Variants in GMDS observed in about 807,000 individuals in gnomAD.
GMDS encodes the protein GDP-mannose 4,6 dehydratase.
In GMDS, 20 loss-of-function variants were observed where a neutral mutation model predicts 49.9. The ratio of observed to expected loss-of-function variants is 0.40; its 90% CI spans 0.28 to 0.58. The LOEUF is 0.58. Among genes scored for constraint, GMDS ranks in the 20% least tolerant of loss-of-function variants. GMDS has a pLI of 0.42. For missense variants in GMDS, 362 were observed against 481.4 expected, an observed-to-expected ratio of 0.75 and a Z score of 2.32; for synonymous variants, 177 against 178.6, an observed-to-expected ratio of 0.99 and a Z score of 0.07.
intron 9 of GMDS, among the ~76,000 whole-genome samples, chr6:1,709,260 G>C (rs929749205): frequency 6.6e-6 from 1 of 152,240 alleles, no homozygotes; most frequent in African/African-American, 2.4e-5. Flanking sequence ...AGTGCTTAGA[G>C]CAGCTGTCCT....
chr6:1,897,681 T>C (rs1760272735), intron 7 of GMDS, among the ~76,000 whole-genome samples: 1 of 152,244 alleles, frequency 6.6e-6, no homozygotes. Context: ...TCATTTCTCT[T>C]TTAGCTACTT....
At chr6:2,077,664 T>C (rs1389681891) in intron 4 of GMDS, among the ~76,000 whole-genome samples, 1 of 152,184 alleles carries the variant, frequency 6.6e-6, no homozygotes, top group Non-Finnish European at 1.5e-5. Flanking sequence ...CTTTTCAATG[T>C]GCAGTAGGAA....
intron 1 of GMDS, among the ~76,000 whole-genome samples, chr6:2,212,632 T>C (rs1456629533): frequency 6.6e-6 from 1 of 151,456 alleles, no homozygotes; most frequent in Non-Finnish European, 1.5e-5. Context: ...ACATCCTTAG[T>C]GGTCTTTGTG....
chr6:1,749,667 C>T lies in GMDS; in HGVS notation c.772-7081G>A, dbSNP rs553816139. Reference sequence around the variant, plus strand: ...CACCTTCTTGCCACTGTGTAGTGTACAAGTGGGTATCTATGAGGATAGTTT... The same window carrying T: ...CACCTTCTTGCCACTGTGTAGTGTATAAGTGGGTATCTATGAGGATAGTTT... On this transcript the variant is annotated intron_variant, in intron 7 of 10. Coordinates refer to ENST00000380815, the MANE Select transcript of GMDS (RefSeq NM_001500.4). Among the ~76,000 whole-genome samples, 11 of 152,144 alleles carry T rather than the reference C, an allele frequency of 7.2e-5. No homozygotes were observed. In the East Asian group the frequency reaches 1.4e-3, roughly 19 times the overall value.
chr6:2,062,558 T>C (rs1198188356), intron 4 of GMDS, among the ~76,000 whole-genome samples: 1 of 152,122 alleles, frequency 6.6e-6, no homozygotes, highest in Non-Finnish European at 1.5e-5. Flanking sequence ...TGCCATAATG[T>C]ATATATACAT....
intron 4 of GMDS, among the ~76,000 whole-genome samples, chr6:2,015,882 T>G (rs931596500): frequency 2.0e-5 from 3 of 152,080 alleles, no homozygotes; most frequent in African/African-American, 7.2e-5. Context: ...ATTTTAAGAA[T>G]AGAAGATTCA....
At chr6:1,721,367 A>C (rs1410512843) in intron 9 of GMDS, among the ~76,000 whole-genome samples, 1 of 152,202 alleles carries the variant, frequency 6.6e-6, no homozygotes, top group African/African-American at 2.4e-5. Flanking sequence ...ATTAGGAATA[A>C]ATATCAGATA....
At chr6:2,108,684 C>G (rs1034936152) in intron 4 of GMDS, among the ~76,000 whole-genome samples, 2 of 152,106 alleles carry the variant, frequency 1.3e-5, no homozygotes, top group African/African-American at 4.8e-5. Context: ...ACAAGAGGTC[C>G]GATATAAAGT....
chr6:1,770,776 A>G (rs1685278503), intron 7 of GMDS, among the ~76,000 whole-genome samples: 1 of 152,246 alleles, frequency 6.6e-6, no homozygotes, highest in East Asian at 1.9e-4. Flanking sequence ...TAATGAGGAT[A>G]GAAGATCACT....
chr6:1,840,793 TTGTAGA>T, intron 7 of GMDS, among the ~76,000 whole-genome samples: 1 of 152,154 alleles, frequency 6.6e-6, no homozygotes, highest in Middle Eastern at 3.4e-3. Flanking sequence ...AAGGAAAAAT[TTGTAGA>T]ATAGCCGTAA....
At chr6:1,804,866 A>C (rs559941931) in intron 7 of GMDS, among the ~76,000 whole-genome samples, 34 of 152,332 alleles carry the variant, frequency 2.2e-4, no homozygotes, top group African/African-American at 7.7e-4. Flanking sequence ...GCCAAACTTT[A>C]AGGCATAGAA....
chr6:1,983,941 T>C (rs142371405), intron 4 of GMDS, among the ~76,000 whole-genome samples: 20 of 152,320 alleles, frequency 1.3e-4, no homozygotes, highest in East Asian at 9.6e-4. Flanking sequence ...TGCAGCACTA[T>C]TCATATTAGT....
intron 9 of GMDS, among the ~76,000 whole-genome samples, chr6:1,637,137 G>A (rs141654648): frequency 7.2e-4 from 109 of 152,360 alleles, no homozygotes; most frequent in African/African-American, 2.5e-3. Context: ...CATCTGGCTC[G>A]TTGTCTGCAC....
At chr6:2,152,673 C>T (rs968734342) in intron 1 of GMDS, among the ~76,000 whole-genome samples, 2 of 152,098 alleles carry the variant, frequency 1.3e-5, no homozygotes, top group Non-Finnish European at 2.9e-5. Context: ...AAGAAATCCA[C>T]TGTACTCTAA....
Position 1,772,732 on chromosome 6 carries a change from T to C in GMDS, c.772-30146A>G, listed in dbSNP as rs376603006. Among the ~76,000 whole-genome samples the C allele has an allele frequency of 3.0e-3, 455 of 152,318 alleles. 2 individuals are homozygous for C. Among genetic ancestry groups the C allele is most frequent in the African/African-American group, 0.01 (430 of 41,572 alleles). The stretch of plus-strand genomic sequence containing the variant: ...CTGAAAAACTGGTCAGGGTTCGTGA[T>C]GACACCAAACGTAAAAAACAAAAAC... On this transcript the variant is annotated intron_variant, in intron 7 of 10. Transcript: ENST00000380815.
At chr6:1,659,806 C>T (rs1764008629) in intron 9 of GMDS, among the ~76,000 whole-genome samples, 1 of 152,080 alleles carries the variant, frequency 6.6e-6, no homozygotes, top group African/African-American at 2.4e-5. Context: ...AACTGAGTAA[C>T]TGAAGCTCAG....
rs1779036481 is a variant in GMDS at position 2,191,900 on chromosome 6, C to T, written c.102+53421G>A. ...AAGGCTGGGAGCCAGGCCACCAGTC[C>T]CACAGACCACACTGCAGGCTTATGG... On this transcript the variant is annotated intron_variant, in intron 1 of 10. Transcript: ENST00000380815. The surrounding 1 kb of genome is among the most constrained non-coding windows in gnomAD (Gnocchi z 4.6). Among the ~76,000 whole-genome samples the T allele has an allele frequency of 6.6e-6, 1 of 152,190 alleles. No individual in the cohort carries two copies. The highest frequency in any genetic ancestry group is 1.5e-5 in the Non-Finnish European group (1 of 68,034).
chr6:2,039,264 T>C (rs1295561878), intron 4 of GMDS, among the ~76,000 whole-genome samples: 1 of 152,124 alleles, frequency 6.6e-6, no homozygotes, highest in South Asian at 2.1e-4. Context: ...GGACTGGAAG[T>C]TGCTCTGGGT....
intron 9 of GMDS, among the ~76,000 whole-genome samples, chr6:1,673,402 G>A (rs1170665181): frequency 6.7e-6 from 1 of 149,322 alleles, no homozygotes; most frequent in African/African-American, 2.5e-5. Context: ...AGTATTTTTA[G>A]AGCAGTTTTA....
Sources: allele counts gnomAD v4.1 joint callset (sites outside exome capture counted in the v4.1 genomes callset), GRCh38; gene constraint gnomAD v4.1.1; non-coding constraint Gnocchi (gnomAD v3.1); transcripts MANE v1.5; gene names NCBI Gene and HGNC (gene_info 2026-07-23, HGNC 2026-07-21).